The following RAB27A variants were observed in gnomAD, a reference collection of about 807,000 sequenced individuals.
The protein encoded by RAB27A is ras-related protein Rab-27A.
In RAB27A, 17 loss-of-function variants were observed where a neutral mutation model predicts 20.8. That is an observed-to-expected ratio of 0.82 (90% CI 0.56 to 1.23). The LOEUF is 1.23. Among genes scored for constraint, RAB27A ranks in the 50% most tolerant of loss-of-function variants. The pLI, the probability that RAB27A is intolerant of heterozygous loss-of-function variation, is 0.00. For missense variants in RAB27A, 277 were observed against 266.7 expected, an observed-to-expected ratio of 1.04 and a Z score of -0.27; for synonymous variants, 85 against 92.8, an observed-to-expected ratio of 0.92 and a Z score of 0.48.
intron 6 of RAB27A, among the ~76,000 whole-genome samples, chr15:55,213,756 C>A (rs1322628295): frequency 6.6e-6 from 1 of 152,164 alleles, no homozygotes; most frequent in African/African-American, 2.4e-5. Context: ...TCTCCTATCA[C>A]CCCCAGATGG....
At chr15:55,223,506 C>G (rs987405466) in intron 6 of RAB27A, among the ~76,000 whole-genome samples, 4 of 129,672 alleles carry the variant, frequency 3.1e-5, no homozygotes, top group African/African-American at 1.2e-4. Flanking sequence ...GAGACTCTGT[C>G]TCAAAAAAAA....
At chr15:55,208,120 C>T (rs953370001) in intron 6 of RAB27A, among the ~76,000 whole-genome samples, 8 of 152,224 alleles carry the variant, frequency 5.3e-5, no homozygotes, top group African/African-American at 1.9e-4. Flanking sequence ...TTTACCTAAA[C>T]GTCCATCAAT....
chr15:55,242,674 C>T (rs1015910105), intron 2 of RAB27A, among the ~76,000 whole-genome samples: 1 of 152,154 alleles, frequency 6.6e-6, no homozygotes, highest in African/African-American at 2.4e-5. Flanking sequence ...AAGTTAAGTA[C>T]AATGATTTTG....
chr15:55,224,040 A>T, intron 5 of RAB27A, 28 bp from the exon 6 acceptor site: 3 of 1,488,662 alleles, frequency 2.0e-6, no homozygotes, highest in Non-Finnish European at 2.8e-6. Flanking sequence ...TTTATTATAT[A>T]TGTAAATAAT....
chr15:55,292,036 T>C (rs75258633), upstream of RAB27A, among the ~76,000 whole-genome samples: 4,657 of 152,170 alleles, frequency 0.031, 239 homozygotes, highest in African/African-American at 0.11. Context: ...AGGGAAGGCC[T>C]GGAAGCAAAA....
chr15:55,206,736 C>A (rs28708989), intron 6 of RAB27A, among the ~76,000 whole-genome samples: 2 of 151,800 alleles, frequency 1.3e-5, no homozygotes, highest in Non-Finnish European at 1.5e-5. Context: ...GAAGAACATA[C>A]AACAGTCTTA....
At chr15:55,231,448 A>C (rs1225099363) in intron 3 of RAB27A, among the ~76,000 whole-genome samples, 1 of 152,160 alleles carries the variant, frequency 6.6e-6, no homozygotes, top group Non-Finnish European at 1.5e-5. Context: ...AAATTGTCCA[A>C]ATCAACTTTT....
intron 6 of RAB27A, among the ~76,000 whole-genome samples, chr15:55,207,302 A>G (rs1322887182): frequency 6.6e-6 from 1 of 152,192 alleles, no homozygotes; most frequent in African/African-American, 2.4e-5. Context: ...GTATACATCT[A>G]AAGCAGAGCC....
intron 2 of RAB27A, among the ~76,000 whole-genome samples, chr15:55,312,653 GAA>G (rs879338815): frequency 6.8e-6 from 1 of 146,030 alleles, no homozygotes; most frequent in East Asian, 2.0e-4. Flanking sequence ...TCTTCACCAG[GAA>G]AAAAAAAAAC....
intron 2 of RAB27A, 131 bp downstream of exon 2, chr15:55,270,034 G>A (rs1050186672): frequency 2.0e-5 from 3 of 151,852 alleles, no homozygotes; most frequent in African/African-American, 7.3e-5. Flanking sequence ...ACATCATTAA[G>A]TCTTTAGTTT....
At chr15:55,300,067 G>T (rs571727098) in intron 2 of RAB27A, among the ~76,000 whole-genome samples, 1 of 152,028 alleles carries the variant, frequency 6.6e-6, no homozygotes, top group Non-Finnish European at 1.5e-5. Flanking sequence ...TAATCCGCCC[G>T]CCTCGGCCTC....
intron 2 of RAB27A, among the ~76,000 whole-genome samples, chr15:55,253,475 A>C (rs769598222): frequency 5.9e-5 from 9 of 151,976 alleles, no homozygotes; most frequent in Admixed American, 1.3e-4. Context: ...AAGGCTCCCT[A>C]AGTATTCCAA....
At chr15:55,240,973 G>T (rs1364101310) in intron 2 of RAB27A, among the ~76,000 whole-genome samples, 1 of 152,154 alleles carries the variant, frequency 6.6e-6, no homozygotes, top group African/African-American at 2.4e-5. Flanking sequence ...ATTTCTGAGG[G>T]CTGTTGTGAG....
chr15:55,232,642 C>T (rs1566910531), intron 3 of RAB27A, among the ~76,000 whole-genome samples: 1 of 152,196 alleles, frequency 6.6e-6, no homozygotes, highest in Non-Finnish European at 1.5e-5. Context: ...AAAGTCATCT[C>T]TAGCAGACCT....
intron 2 of RAB27A, among the ~76,000 whole-genome samples, chr15:55,258,843 A>C (rs1353303158): frequency 1.3e-5 from 2 of 152,032 alleles, no homozygotes; most frequent in African/African-American, 4.8e-5. Flanking sequence ...CTTTTTCTTT[A>C]AGACAGAGTC....
intron 2 of RAB27A, among the ~76,000 whole-genome samples, chr15:55,240,294 G>A (rs1031622735): frequency 5.9e-5 from 9 of 152,072 alleles, no homozygotes; most frequent in South Asian, 2.1e-4. Context: ...CCCAAACAAC[G>A]TTGTATGCTC....
At chr15:55,239,829 C>T (rs1454305147) in intron 2 of RAB27A, among the ~76,000 whole-genome samples, 1 of 152,098 alleles carries the variant, frequency 6.6e-6, no homozygotes, top group Non-Finnish European at 1.5e-5. Context: ...TGGGGGCAGG[C>T]AGGTTTTCAA....
At chr15:55,258,704 C>T (rs1034976873) in intron 2 of RAB27A, among the ~76,000 whole-genome samples, 1 of 152,250 alleles carries the variant, frequency 6.6e-6, no homozygotes, top group Admixed American at 6.5e-5. Context: ...AATGGTAACA[C>T]ATTGTGATCT....
intron 6 of RAB27A, among the ~76,000 whole-genome samples, chr15:55,215,117 T>C (rs879536111): frequency 5.3e-5 from 8 of 152,190 alleles, no homozygotes. Flanking sequence ...AACAGTAAGC[T>C]TTTTTAAAAT....
Sources: gnomAD v4.1 joint callset for allele counts (sites outside exome capture counted in the v4.1 genomes callset) on GRCh38, gnomAD v4.1.1 for gene constraint, MANE v1.5 for transcripts, NCBI Gene and HGNC (gene_info 2026-07-23, HGNC 2026-07-21) for gene names.